The following UGT1A3 variants were observed in gnomAD, a reference collection of about 807,000 sequenced individuals.
UGT1A3 encodes the protein UDP-glucuronosyltransferase 1A3.
A neutral mutation model predicts 41.0 loss-of-function variants in UGT1A3; 31 were observed. The observed-to-expected ratio is 0.76, with a 90% confidence interval of 0.57 to 1.02. The LOEUF (loss-of-function observed/expected upper bound fraction) is 1.02, where lower values mean the gene tolerates loss of function less well. Ranked by LOEUF, UGT1A3 falls within the 50% of genes least tolerant of loss-of-function variation. The pLI, the probability that UGT1A3 is intolerant of heterozygous loss-of-function variation, is 0.00. For synonymous variants in UGT1A3, 262 were observed against 257.6 expected (o/e 1.02, Z -0.17); for missense variants, 737 against 671.0 (o/e 1.10, Z -1.09).
At chr2:233,768,577 TTCTTC>T in intron 4 of UGT1A3, 138 bp downstream of exon 4, 1 of 1,379,982 alleles carries the variant, frequency 7.2e-7, no homozygotes, top group Non-Finnish European at 9.4e-7. Context: ...GGATTTTTAT[TTCTTC>T]TTTTTTTTTT....
intron 1 of UGT1A3, among the ~76,000 whole-genome samples, chr2:233,766,279 G>A (rs886209261): frequency 2.6e-5 from 4 of 151,814 alleles, no homozygotes; most frequent in Non-Finnish European, 4.4e-5. Context: ...TCGGTGGCCC[G>A]GGCTCGGTGG....
At position 233,748,031 on chromosome 2, in the gene UGT1A3, G is replaced by A. The variant is rs1285076078; in HGVS notation, c.867+18038G>A. On this transcript the variant is annotated intron_variant, in intron 1 of 4. Transcript: ENST00000482026. ...ACCCCAGGCCGATCATGCCCAACAT[G>A]GTCTTCATTGGGGGCATCAACTGTG... The A allele has an allele frequency of 3.1e-6, 5 of 1,613,428 alleles. No homozygotes were observed. The African/African-American group carries it at 6.7e-5, about 22-fold the overall frequency.
chr2:233,744,926 T>C (rs1381342735), intron 1 of UGT1A3, among the ~76,000 whole-genome samples: 2 of 151,890 alleles, frequency 1.3e-5, no homozygotes, highest in East Asian at 1.9e-4. Context: ...GCTCCTTTTA[T>C]AAAATGACAC....
intron 4 of UGT1A3, chr2:233,771,329 T>A (rs751904173): frequency 3.9e-5 from 6 of 152,320 alleles, no homozygotes; most frequent in Middle Eastern, 6.8e-3. Flanking sequence ...TTCAATCTCC[T>A]CTTCATTCCT....
chr2:233,772,471 T>C lies in UGT1A3; in HGVS notation c.1517T>C (p.Ile506Thr), dbSNP rs1341191921. The C allele has an allele frequency of 1.2e-6, 2 of 1,614,022 alleles. No homozygotes were observed. The highest frequency in any genetic ancestry group is 1.7e-6 in the Non-Finnish European group (2 of 1,180,036). Residue 506 changes from isoleucine to threonine, a missense_variant, in exon 5 of 5, where the codon ATC (isoleucine) becomes ACC (threonine). Physicochemically the swap from Ile to Thr is moderately conservative, Grantham distance 89. Coordinates refer to ENST00000482026, the MANE Select transcript of UGT1A3 (RefSeq NM_019093.4). Reference sequence around the variant, plus strand: ...GCCGTCGTGCTGACAGTGGCCTTCATCACCTTTAAATGTTGTGCTTATGGC... The same window carrying C: ...GCCGTCGTGCTGACAGTGGCCTTCACCACCTTTAAATGTTGTGCTTATGGC... ...LLAVVLTVAF[I>T]TFKCCAYGYR...
intron 1 of UGT1A3, among the ~76,000 whole-genome samples, chr2:233,736,062 G>C (rs1463600658): frequency 6.6e-6 from 1 of 152,174 alleles, no homozygotes; most frequent in South Asian, 2.1e-4. Context: ...GGCCTGCCTT[G>C]CTAGGTTTGG....
At chr2:233,752,448 A>G (rs1409153426) in intron 1 of UGT1A3, 1 of 152,234 alleles carries the variant, frequency 6.6e-6, no homozygotes, top group Admixed American at 6.5e-5. Flanking sequence ...ATAAAAGATG[A>G]ATACCCACAT....
At chr2:233,747,780 C>T (rs1371324079) in intron 1 of UGT1A3, 2 of 1,613,384 alleles carry the variant, frequency 1.2e-6, no homozygotes, top group Non-Finnish European at 1.7e-6. Flanking sequence ...GTGTCCAAAT[C>T]CTTCCTCCTA....
intron 1 of UGT1A3, chr2:233,756,230 C>T (rs1280753131): frequency 1.3e-5 from 2 of 152,182 alleles, no homozygotes; most frequent in African/African-American, 4.8e-5. Context: ...TAGTTTAGGA[C>T]AACCCTCCTT....
At chr2:233,747,631 A>C in intron 1 of UGT1A3, 1 of 1,579,028 alleles carries the variant, frequency 6.3e-7, no homozygotes, top group Non-Finnish European at 8.7e-7. Context: ...CTGATCAGGC[A>C]CCTGAATGCT....
intron 1 of UGT1A3, among the ~76,000 whole-genome samples, chr2:233,736,234 T>C (rs1035352456): frequency 6.6e-5 from 10 of 152,188 alleles, no homozygotes; most frequent in African/African-American, 2.4e-4. Flanking sequence ...TCTCTAACCT[T>C]GTCTTCTCAC....
At chr2:233,754,986 T>A (rs1394613146) in intron 1 of UGT1A3, 2 of 1,295,836 alleles carry the variant, frequency 1.5e-6, no homozygotes, top group Non-Finnish European at 2.1e-6. Flanking sequence ...CTCGGCGGGG[T>A]CACGGAAGCT....
intron 1 of UGT1A3, among the ~76,000 whole-genome samples, chr2:233,765,473 G>A (rs1334073223): frequency 6.6e-6 from 1 of 152,142 alleles, no homozygotes; most frequent in Admixed American, 6.5e-5. Flanking sequence ...GGATGAAGCT[G>A]GAAGCCATCA....
At chr2:233,746,247 A>G (rs939163155) in intron 1 of UGT1A3, among the ~76,000 whole-genome samples, 1 of 151,776 alleles carries the variant, frequency 6.6e-6, no homozygotes, top group Non-Finnish European at 1.5e-5. Context: ...AAAAGATACA[A>G]GGCAGAACAG....
intron 1 of UGT1A3, chr2:233,741,673 T>C (rs1691737205): frequency 6.6e-6 from 1 of 151,938 alleles, no homozygotes; most frequent in Non-Finnish European, 1.5e-5. Context: ...TGCTGTTTAT[T>C]GCTTGGGTGC....
chr2:233,772,112 C>A, intron 4 of UGT1A3, 150 bp from the exon 5 acceptor site: 1 of 1,527,992 alleles, frequency 6.5e-7, no homozygotes, highest in South Asian at 1.2e-5. Context: ...GACTCTGTAT[C>A]TAAAAACAAC....
intron 1 of UGT1A3, chr2:233,747,860 C>T (rs1402748758): frequency 6.2e-6 from 10 of 1,613,422 alleles, no homozygotes; most frequent in Non-Finnish European, 5.9e-6. Context: ...ACATGCTCTA[C>T]CCTCTGGCCC....
At chr2:233,767,621 CT>C (rs1156408939) in intron 2 of UGT1A3, among the ~76,000 whole-genome samples, 1 of 152,158 alleles carries the variant, frequency 6.6e-6, no homozygotes, top group Non-Finnish European at 1.5e-5. Context: ...AAGTGCACAG[CT>C]TGATAAATTA....
chr2:233,747,562 T>C (rs1237868574), intron 1 of UGT1A3: 2 of 1,595,464 alleles, frequency 1.3e-6, no homozygotes, highest in South Asian at 1.1e-5. Context: ...ATGGCAATTT[T>C]GAAAAATTCA....
Sources: allele counts gnomAD v4.1 joint callset (sites outside exome capture counted in the v4.1 genomes callset), GRCh38; gene constraint gnomAD v4.1.1; transcripts MANE v1.5; gene names NCBI Gene and HGNC (gene_info 2026-07-23, HGNC 2026-07-21).